ERBB4: variants seen among roughly 807,000 people sequenced by gnomAD.
ERBB4 encodes the protein erb-b2 receptor tyrosine kinase 4.
In ERBB4, 42 loss-of-function variants were observed where a neutral mutation model predicts 158.0. The ratio of observed to expected loss-of-function variants is 0.27; its 90% CI spans 0.21 to 0.34. The LOEUF (loss-of-function observed/expected upper bound fraction) is 0.34. Ranked by LOEUF, ERBB4 falls within the 10% of genes least tolerant of loss-of-function variation. ERBB4 has a pLI of 1.00. For synonymous variants in ERBB4, 583 were observed against 558.7 expected, an observed-to-expected ratio of 1.04 and a Z score of -0.61; for missense variants, 1,333 against 1,624.1, an observed-to-expected ratio of 0.82 and a Z score of 3.08.
Position 212,080,692 on chromosome 2 carries a change from A to C in ERBB4, c.234+44060T>G, listed in dbSNP as rs536440018. 2.5e-3 allele frequency among the ~76,000 whole-genome samples: 380 copies of C among 151,218 alleles called. 1 individual carries two copies. The highest frequency in any genetic ancestry group is 8.9e-3 in the African/African-American group (364 of 40,946). Reference sequence around the variant, plus strand: ...TATAAATAGTAAAAAAAAAAAAAAAAAACCTCTTTATATTCAAAATTTATC... The same window carrying C: ...TATAAATAGTAAAAAAAAAAAAAAACAACCTCTTTATATTCAAAATTTATC... On this transcript the variant is annotated intron_variant, in intron 2 of 27. Transcript: ENST00000342788.
intron 19 of ERBB4, among the ~76,000 whole-genome samples, chr2:211,602,566 C>T (rs1243919002): frequency 2.6e-5 from 4 of 152,130 alleles, no homozygotes; most frequent in Non-Finnish European, 5.9e-5. Flanking sequence ...GTATGGACCC[C>T]TTCAAGTTGA....
intron 2 of ERBB4, among the ~76,000 whole-genome samples, chr2:212,059,535 T>G (rs576313996): frequency 5.3e-4 from 80 of 152,266 alleles, no homozygotes; most frequent in African/African-American, 1.8e-3. Flanking sequence ...CTACCTGATG[T>G]CAAACTATAC....
intron 2 of ERBB4, among the ~76,000 whole-genome samples, chr2:211,953,433 G>A (rs1452584414): frequency 6.1e-5 from 8 of 130,970 alleles, no homozygotes; most frequent in African/African-American, 5.9e-5. Context: ...AGTTACTGGC[G>A]ATGTCTTTGA....
In ERBB4 at chr2:211,532,150, G is replaced by GT. The variant is rs1213947519; in HGVS notation, c.2487+29752dup. On this transcript the variant is annotated intron_variant, in intron 20 of 27. Coordinates refer to ENST00000342788, the MANE Select transcript of ERBB4 (RefSeq NM_005235.3). Reference sequence around the variant, plus strand: ...TTGTCACCAGAGTCTGGGAAGGGTTGTGGGGGGGGAAAGTAGGTATGGTCA... The same window carrying GT: ...TTGTCACCAGAGTCTGGGAAGGGTTGTTGGGGGGGGAAAGTAGGTATGGTCA... Among the ~76,000 whole-genome samples, 11 of 128,376 alleles carry GT rather than the reference G, an allele frequency of 8.6e-5. No individual in the cohort carries two copies. The East Asian group carries it at 1.7e-3, about 20-fold the overall frequency. 84.2% of individuals were successfully genotyped at this position (128,376 alleles called of 152,430 possible).
At chr2:211,980,438 T>C (rs1197050572) in intron 2 of ERBB4, among the ~76,000 whole-genome samples, 5 of 152,202 alleles carry the variant, frequency 3.3e-5, no homozygotes, top group Non-Finnish European at 7.4e-5. Context: ...TGTCAAACTA[T>C]GATATTTAAT....
intron 2 of ERBB4, among the ~76,000 whole-genome samples, chr2:212,062,236 G>C (rs1412137386): frequency 2.0e-5 from 3 of 151,908 alleles, no homozygotes; most frequent in Admixed American, 2.0e-4. Context: ...TATATTAATT[G>C]AATAAGATGT....
intron 2 of ERBB4, among the ~76,000 whole-genome samples, chr2:211,953,813 C>CA (rs1276251892): frequency 1.3e-4 from 19 of 151,598 alleles, no homozygotes; most frequent in Non-Finnish European, 2.7e-4. Flanking sequence ...TAATGGAAAA[C>CA]AAAAAAATAA....
intron 20 of ERBB4, among the ~76,000 whole-genome samples, chr2:211,484,478 A>G (rs2065157330): frequency 1.3e-5 from 2 of 152,196 alleles, no homozygotes; most frequent in Non-Finnish European, 1.5e-5. Flanking sequence ...ATTTAAACAT[A>G]AAAACACAAA....
At chr2:212,471,204 A>T (rs1396609169) in intron 1 of ERBB4, among the ~76,000 whole-genome samples, 5 of 152,028 alleles carry the variant, frequency 3.3e-5, no homozygotes, top group Non-Finnish European at 7.4e-5. Context: ...AATCAAAATT[A>T]ATATCTTACA....
intron 3 of ERBB4, among the ~76,000 whole-genome samples, chr2:211,935,548 G>T (rs1004020287): frequency 6.6e-6 from 1 of 152,098 alleles, no homozygotes; most frequent in African/African-American, 2.4e-5. Context: ...TAAGGCCTTT[G>T]ATCCCAGACT....
intron 1 of ERBB4, among the ~76,000 whole-genome samples, chr2:212,382,348 T>C (rs1047894614): frequency 6.6e-6 from 1 of 150,744 alleles, no homozygotes; most frequent in Non-Finnish European, 1.5e-5. Flanking sequence ...CATATGTGCA[T>C]ATACACTTAT....
chr2:211,814,546 C>A (rs2076834666), intron 3 of ERBB4, among the ~76,000 whole-genome samples: 1 of 151,830 alleles, frequency 6.6e-6, no homozygotes, highest in Non-Finnish European at 1.5e-5. Context: ...CAAATACAAC[C>A]AGGGCCCAAA....
At chr2:212,354,425 T>G (rs1225892591) in intron 1 of ERBB4, among the ~76,000 whole-genome samples, 1 of 152,072 alleles carries the variant, frequency 6.6e-6, no homozygotes, top group Non-Finnish European at 1.5e-5. Context: ...AATGTAAATT[T>G]CTAGATCTCA....
At chr2:212,323,126 G>A (rs1416939949) in intron 1 of ERBB4, among the ~76,000 whole-genome samples, 1 of 150,426 alleles carries the variant, frequency 6.6e-6, no homozygotes, top group Non-Finnish European at 1.5e-5. Flanking sequence ...TTTTGTCACT[G>A]TATTTCCATA....
chr2:211,469,969 T>C (rs1180308277), intron 20 of ERBB4, among the ~76,000 whole-genome samples: 3 of 151,944 alleles, frequency 2.0e-5, no homozygotes, highest in East Asian at 1.9e-4. Context: ...ACCTGAGGAA[T>C]TGGGGTATTC....
At chr2:211,590,263 G>C (rs1046888309) in intron 19 of ERBB4, among the ~76,000 whole-genome samples, 3 of 152,120 alleles carry the variant, frequency 2.0e-5, no homozygotes, top group African/African-American at 7.2e-5. Context: ...ACTTTGGGAG[G>C]AACTTAGTTT....
At chr2:211,827,548 T>C (rs183032228) in intron 3 of ERBB4, among the ~76,000 whole-genome samples, 2 of 151,688 alleles carry the variant, frequency 1.3e-5, no homozygotes, top group African/African-American at 4.9e-5. Flanking sequence ...AAAATTGATC[T>C]GGTAAGACAA....
chr2:211,986,062 C>G (rs1406128340), intron 2 of ERBB4, among the ~76,000 whole-genome samples: 1 of 152,190 alleles, frequency 6.6e-6, no homozygotes, highest in Non-Finnish European at 1.5e-5. Flanking sequence ...TCTGCAGAGA[C>G]AAACACATAT....
At chr2:212,225,113 C>A (rs566131565) in intron 1 of ERBB4, among the ~76,000 whole-genome samples, 4 of 151,646 alleles carry the variant, frequency 2.6e-5, no homozygotes, top group Non-Finnish European at 5.9e-5. Flanking sequence ...TTTTATGTCC[C>A]CTTTTTCCTC....
Sources: allele counts gnomAD v4.1 joint callset (sites outside exome capture counted in the v4.1 genomes callset), GRCh38; gene constraint gnomAD v4.1.1; transcripts MANE v1.5; gene names NCBI Gene and HGNC (gene_info 2026-07-23, HGNC 2026-07-21).